SGCA: variants seen among roughly 807,000 people sequenced by gnomAD.
SGCA encodes the protein alpha-sarcoglycan.
SGCA carries 34 observed loss-of-function variants against 38.1 expected under a neutral mutation model. That is an observed-to-expected ratio of 0.89 (90% CI 0.68 to 1.19). The LOEUF (loss-of-function observed/expected upper bound fraction) is 1.19. Ranked by LOEUF, SGCA falls within the 50% of genes most tolerant of loss-of-function variation. The pLI, the probability that SGCA is intolerant of heterozygous loss-of-function variation, is 0.00. For synonymous variants in SGCA, 209 were observed against 214.6 expected, an observed-to-expected ratio of 0.97 and a Z score of 0.23; for missense variants, 476 against 524.9, an observed-to-expected ratio of 0.91 and a Z score of 0.91.
chr17:50,170,879 G>A lies in SGCA; in HGVS notation c.983+213G>A, dbSNP rs544415988. 9.4e-4 allele frequency among the ~76,000 whole-genome samples: 143 copies of A among 152,228 alleles called. 2 individuals are homozygous for A. Among genetic ancestry groups the A allele is most frequent in the Non-Finnish European group, 2.4e-4 (16 of 68,016 alleles). On this transcript the variant is annotated intron_variant, in intron 8 of 9. Transcript: ENST00000262018. ...GTTTGAGGCCAGCCTGGGCAACACA[G>A]TGAGACCCCATCTCAACAAAAAAAA...
At position 50,168,498 on chromosome 17, in the gene SGCA, T is replaced by G; in HGVS notation, c.510T>G (p.Leu170=). The G allele has an allele frequency of 6.3e-7, 1 of 1,579,478 alleles. No homozygotes were observed. Among genetic ancestry groups the G allele is most frequent in the South Asian group, 1.2e-5 (1 of 86,190 alleles). The part of the protein sequence containing the change: ...ALGGLWEPGE[L]QLLNVTSALD... Reference sequence around the variant, plus strand: ...GGGGACTCTGGGAGCCCGGAGAGCTTCAGCTGCTCAACGTCACCTCTGCCT... The same window carrying G: ...GGGGACTCTGGGAGCCCGGAGAGCTGCAGCTGCTCAACGTCACCTCTGCCT... The change falls in exon 5 of 10, where the codon CTT becomes CTG. Residue 170 remains leucine, a synonymous_variant. Coordinates refer to ENST00000262018, the MANE Select transcript of SGCA (RefSeq NM_000023.4).
chr17:50,171,569 CCT>C (rs1166201531), intron 8 of SGCA: 8 of 456,700 alleles, frequency 1.8e-5, no homozygotes, highest in Middle Eastern at 3.2e-4. Context: ...CGCTTGTGCC[CCT>C]GTTTGGAGCC....
In SGCA at chr17:50,167,602, A is replaced by C. The variant is rs1446631821; in HGVS notation, c.178A>C (p.Ile60Leu). ...ACCAGCTGTCCCACCCGCTGTCCAC[A>C]TCACCTACCACGCCCACCTCCAGGG... ...EHVAVPPAVH[I>L]TYHAHLQGHP... The change falls in exon 3 of 10, where the codon ATC becomes CTC. Residue 60 changes from isoleucine to leucine, a missense_variant. Coordinates refer to ENST00000262018, the MANE Select transcript of SGCA (RefSeq NM_000023.4). This position sits in a 1 kb window ranked among gnomAD's most constrained non-coding sequence, Gnocchi z 4.5. 6.2e-7 allele frequency: 1 copy of C among 1,613,364 alleles called. No individual in the cohort carries two copies. Among genetic ancestry groups the C allele is most frequent in the African/African-American group, 1.3e-5 (1 of 74,854 alleles).
At position 50,169,064 on chromosome 17, in the gene SGCA, GC is replaced by G. The variant is rs1905159748; in HGVS notation, c.585-27del. The G allele has an allele frequency of 6.2e-7, 1 of 1,612,124 alleles. No individual in the cohort carries two copies. The highest frequency in any genetic ancestry group is 1.3e-5 in the African/African-American group (1 of 74,864). On this transcript the variant is annotated intron_variant, in intron 5 of 9. Coordinates refer to ENST00000262018, the MANE Select transcript of SGCA (RefSeq NM_000023.4). ...GCCTCGTGCCCCCTGCCCCCACTCT[GC>G]TGACAGTGACTTCTATCTGGTCCCA... is the stretch of plus-strand genomic sequence containing the variant.
At position 50,167,303 on chromosome 17, in the gene SGCA, G is replaced by A; in HGVS notation, c.38-65G>A. On this transcript the variant is annotated intron_variant, in intron 1 of 9. Coordinates refer to ENST00000262018, the MANE Select transcript of SGCA (RefSeq NM_000023.4). The surrounding 1 kb of genome is among the most constrained non-coding windows in gnomAD (Gnocchi z 4.5). ...GGGCTCCAAGGACTTGGTGGGGAAG[G>A]GAGCTTATCCCCTGCCCAGGACTGA... The A allele has an allele frequency of 3.7e-6, 6 of 1,609,622 alleles. No homozygotes were observed. The highest frequency in any genetic ancestry group is 5.1e-6 in the Non-Finnish European group (6 of 1,177,652).
chr17:50,175,193 G>A, intron 8 of SGCA, 64 bp from the exon 9 acceptor site: 2 of 1,503,666 alleles, frequency 1.3e-6, no homozygotes, highest in Middle Eastern at 3.9e-4. Context: ...CTCAGAGGCA[G>A]TTCCAGGCTG....
At chr17:50,171,956 G>A in intron 8 of SGCA, 1 of 456,730 alleles carries the variant, frequency 2.2e-6, no homozygotes, top group Non-Finnish European at 4.4e-6. Context: ...CTGCCCTGCT[G>A]GCCTCCACCC....
chr17:50,170,913 A>T (rs889731707), intron 8 of SGCA, among the ~76,000 whole-genome samples: 4 of 152,136 alleles, frequency 2.6e-5, no homozygotes, highest in African/African-American at 9.7e-5. Flanking sequence ...AAAATTTTTT[A>T]ACTAGCCAGG....
In SGCA at chr17:50,175,459, G is replaced by T; in HGVS notation, c.*12+10G>T. On this transcript the variant is annotated intron_variant, in intron 9 of 9. Coordinates refer to ENST00000262018, the MANE Select transcript of SGCA (RefSeq NM_000023.4). The stretch of plus-strand genomic sequence containing the variant: ...CTGACAGCCTAGCCAGGTAGGTCTG[G>T]TGGGTGATGCCAGCCTTATTTCTGG... 5.6e-6 allele frequency: 9 copies of T among 1,608,294 alleles called. No individual in the cohort carries two copies. Among genetic ancestry groups the T allele is most frequent in the Non-Finnish European group, 7.7e-6 (9 of 1,176,400 alleles).
chr17:50,166,850 A>C (rs1229200695), intron 1 of SGCA, among the ~76,000 whole-genome samples: 50 of 26,152 alleles, frequency 1.9e-3, no homozygotes, highest in Admixed American at 2.2e-3. Context: ...CGTCACACAC[A>C]CCCCCCACAC....
chr17:50,168,072 C>T, intron 4 of SGCA, 53 bp downstream of exon 4: 1 of 1,519,744 alleles, frequency 6.6e-7, no homozygotes, highest in East Asian at 2.3e-5. Context: ...CTTGGGGAAT[C>T]TCTCCCGGAG....
intron 8 of SGCA, chr17:50,172,011 A>G (rs1905462952): frequency 2.2e-6 from 1 of 456,390 alleles, no homozygotes; most frequent in Admixed American, 2.3e-5. Context: ...ACAGTGGCGA[A>G]GTGCCTTTCT....
In SGCA at chr17:50,166,033, G is replaced by A. The variant is rs149296410; in HGVS notation, c.-8G>A. The A allele has an allele frequency of 1.8e-3, 2,890 of 1,612,812 alleles. 41 individuals are homozygous for A. In the African/African-American group the frequency reaches 0.032, roughly 18 times the overall value. On this transcript the variant is annotated 5_prime_UTR_variant, in exon 1 of 10. Transcript: ENST00000262018. ...TGTCACTCACCGGGCGGGCCAGGCC[G>A]GGCAGCCATGGCTGAGACACTCTTC...
At chr17:50,172,016 C>G (rs1905463875) in intron 8 of SGCA, 1 of 456,262 alleles carries the variant, frequency 2.2e-6, no homozygotes, top group Admixed American at 2.3e-5. Flanking sequence ...GGCGAAGTGC[C>G]TTTCTGCTTC....
chr17:50,168,398 A>G lies in SGCA; in HGVS notation c.410A>G (p.Glu137Gly), dbSNP rs397514451. The G allele has an allele frequency of 6.3e-7, 1 of 1,587,178 alleles. No individual in the cohort carries two copies. Among genetic ancestry groups the G allele is most frequent in the East Asian group, 2.3e-5 (1 of 43,806 alleles). The part of the protein sequence containing the change: ...PEGPLLPYQA[E>G]FLVRSHDAEE... ...GGCCCCCTGCTGCCATACCAAGCCG[A>G]GTTCCTGGTGCGCAGCCACGATGCG... Residue 137 changes from glutamate to glycine, a missense_variant, in exon 5 of 10, where the codon GAG becomes GGG. By Grantham distance (98) the Glu-to-Gly change is moderately conservative (BLOSUM62 -2). Coordinates refer to ENST00000262018, the MANE Select transcript of SGCA (RefSeq NM_000023.4).
intron 7 of SGCA, 108 bp from the exon 8 acceptor site, chr17:50,170,532 G>A: frequency 7.2e-7 from 1 of 1,393,662 alleles, no homozygotes; most frequent in African/African-American, 1.4e-5. Flanking sequence ...CTGGCACCAG[G>A]AGGGCATTGT....
intron 8 of SGCA, among the ~76,000 whole-genome samples, chr17:50,173,726 T>G (rs558837900): frequency 6.6e-6 from 1 of 152,208 alleles, no homozygotes; most frequent in African/African-American, 2.4e-5. Context: ...AATAGAAAAT[T>G]GGGTTTCGGA....
chr17:50,167,995 G>A lies in SGCA; in HGVS notation c.361G>A (p.Val121Met). The change falls in exon 4 of 10, where the codon GTG becomes ATG. Residue 121 changes from valine (V) to methionine (M), a missense_variant. By Grantham distance (21) the Val-to-Met change is conservative. Coordinates refer to ENST00000262018, the MANE Select transcript of SGCA (RefSeq NM_000023.4). The surrounding 1 kb of genome is among the most constrained non-coding windows in gnomAD (Gnocchi z 4.5). ...DSFDTTRQRLVLEIGDPEGPL... is the reference protein window; with the variant it reads ...DSFDTTRQRLMLEIGDPEGPL... The stretch of plus-strand genomic sequence containing the variant: ...CTTTGATACCACTCGGCAGAGGCTG[G>A]TGCTGGAGATTGGGGACCCAGAAGG... 3.7e-6 allele frequency: 6 copies of A among 1,614,186 alleles called. No homozygotes were observed. Among genetic ancestry groups the A allele is most frequent in the Non-Finnish European group, 5.1e-6 (6 of 1,180,008 alleles).
chr17:50,173,395 C>G (rs1170080674), intron 8 of SGCA, among the ~76,000 whole-genome samples: 1 of 151,594 alleles, frequency 6.6e-6, no homozygotes, highest in East Asian at 1.9e-4. Context: ...GAGACCTAGG[C>G]CACGTGTGTG....
Sources: allele counts gnomAD v4.1 joint callset (sites outside exome capture counted in the v4.1 genomes callset), GRCh38; gene constraint gnomAD v4.1.1; non-coding constraint Gnocchi (gnomAD v3.1); transcripts MANE v1.5; gene names NCBI Gene and HGNC (gene_info 2026-07-23, HGNC 2026-07-21).